Variants in LINC00305 observed in about 807,000 individuals in gnomAD.
LINC00305 encodes long independently transcribed non-coding RNA 305, also known as long intergenic non-protein coding RNA 305.
At chr18:64,136,199 G>C (rs998246883) in intron 1 of LINC00305, among the ~76,000 whole-genome samples, 2 of 152,192 alleles carry the variant, frequency 1.3e-5, no homozygotes, top group African/African-American at 4.8e-5. Flanking sequence ...CTTACTGATT[G>C]TGTGTGTATG....
At chr18:64,130,069 G>A (rs987921682) in intron 1 of LINC00305, among the ~76,000 whole-genome samples, 15 of 151,220 alleles carry the variant, frequency 9.9e-5, no homozygotes, top group Non-Finnish European at 5.9e-5. Flanking sequence ...CCATGTTGGT[G>A]TGCTGCACCC....
At chr18:64,130,351 CT>C (rs2144267465) in intron 1 of LINC00305, among the ~76,000 whole-genome samples, 1 of 152,174 alleles carries the variant, frequency 6.6e-6, no homozygotes, top group East Asian at 1.9e-4. Context: ...AATTAGGTCC[CT>C]TTTTCTTACA....
chr18:64,083,625 G>A lies in LINC00305; in HGVS notation n.541-3223C>T, dbSNP rs188803375. On this transcript the variant is annotated intron_variant and non_coding_transcript_variant, in intron 3 of 3. Transcript: ENST00000666468. ...ACCAAGTGGTGCTGACGTGCACATG[G>A]GAACTCAGAGAAAAGGAGCACGGGC... Among the ~76,000 whole-genome samples the A allele has an allele frequency of 5.9e-5, 9 of 152,238 alleles. 1 individual carries two copies. Among genetic ancestry groups the A allele is most frequent in the African/African-American group, 2.2e-4 (9 of 41,544 alleles).
chr18:64,146,450 G>A (rs971598547), intron 1 of LINC00305, among the ~76,000 whole-genome samples: 1 of 152,142 alleles, frequency 6.6e-6, no homozygotes, highest in African/African-American at 2.4e-5. Flanking sequence ...TAAGTGACCA[G>A]CATTCCTTCT....
chr18:64,100,910 C>A (rs965376960), intron 1 of LINC00305, among the ~76,000 whole-genome samples: 1 of 152,070 alleles, frequency 6.6e-6, no homozygotes, highest in African/African-American at 2.4e-5. Context: ...GTGTTTGTAT[C>A]CTCATTTATT....
intron 1 of LINC00305, among the ~76,000 whole-genome samples, chr18:64,116,239 T>C (rs2051337276): frequency 6.6e-6 from 1 of 152,170 alleles, no homozygotes; most frequent in Non-Finnish European, 1.5e-5. Flanking sequence ...GATGAATCAG[T>C]TTACAACATA....
At chr18:64,093,644 T>TG in intron 3 of LINC00305, among the ~76,000 whole-genome samples, 1 of 152,302 alleles carries the variant, frequency 6.6e-6, no homozygotes, top group South Asian at 2.1e-4. Flanking sequence ...AATCCTACCC[T>TG]GTCAATATGT....
In LINC00305 at chr18:64,137,128, G is replaced by A. The variant is rs140360189; in HGVS notation, n.314+11647C>T. ...GGTGTCTTTCTAAGGGAGAGGATAG[G>A]GGAATCTGGACACACAGACACAACA... On this transcript the variant is annotated intron_variant and non_coding_transcript_variant, in intron 1 of 3. Coordinates refer to ENST00000666468, the Ensembl canonical transcript of LINC00305. Among the ~76,000 whole-genome samples, 136 of 152,260 alleles carry A rather than the reference G, an allele frequency of 8.9e-4. 1 individual carries two copies. The highest frequency in any genetic ancestry group is 3.2e-3 in the African/African-American group (134 of 41,538).
exon 3 of LINC00305, chr18:64,097,841 C>T (rs895890309): frequency 1.7e-5 from 8 of 457,230 alleles, no homozygotes; most frequent in Non-Finnish European, 2.6e-5. Flanking sequence ...TACCTTTATT[C>T]TTCATTGAGA....
chr18:64,091,656 A>T (rs1486632731), intron 3 of LINC00305, among the ~76,000 whole-genome samples: 1 of 152,242 alleles, frequency 6.6e-6, no homozygotes, highest in Non-Finnish European at 1.5e-5. Context: ...AATTTGAATC[A>T]GACCATTGGT....
chr18:64,106,094 C>A (rs1293568433), intron 1 of LINC00305, among the ~76,000 whole-genome samples: 1 of 152,222 alleles, frequency 6.6e-6, no homozygotes, highest in African/African-American at 2.4e-5. Context: ...TCTGCTTCTA[C>A]AAACTGAAGC....
intron 1 of LINC00305, among the ~76,000 whole-genome samples, chr18:64,106,882 C>T (rs534468907): frequency 1.8e-4 from 27 of 152,172 alleles, no homozygotes; most frequent in Non-Finnish European, 1.9e-4. Flanking sequence ...TGTTTATGTA[C>T]TCACAGAAGA....
chr18:64,094,876 T>TAAATAAATAAATAATA (rs1393008735), intron 3 of LINC00305, among the ~76,000 whole-genome samples: 1 of 150,250 alleles, frequency 6.7e-6, no homozygotes, highest in African/African-American at 2.4e-5. Context: ...AATAAATAAA[T>TAAATAAATAAATAATA]AAATAAATAA....
intron 1 of LINC00305, among the ~76,000 whole-genome samples, chr18:64,122,693 T>C (rs1238001827): frequency 2.6e-5 from 4 of 152,118 alleles, no homozygotes; most frequent in Non-Finnish European, 5.9e-5. Context: ...CGTATGAATA[T>C]TATGATTGTT....
At chr18:64,099,928 T>G (rs1478516073) in intron 1 of LINC00305, among the ~76,000 whole-genome samples, 1 of 152,216 alleles carries the variant, frequency 6.6e-6, no homozygotes, top group African/African-American at 2.4e-5. Context: ...AGTTCAAAGT[T>G]GTGCAAAGCT....
chr18:64,143,843 TATACATAC>T (rs143221175), intron 1 of LINC00305, among the ~76,000 whole-genome samples: 40 of 150,306 alleles, frequency 2.7e-4, no homozygotes, highest in Admixed American at 7.9e-4. Context: ...CTTATGTATG[TATACATAC>T]ATACATACAT....
At chr18:64,094,556 A>G (rs2051237426) in intron 3 of LINC00305, among the ~76,000 whole-genome samples, 1 of 152,120 alleles carries the variant, frequency 6.6e-6, no homozygotes, top group Non-Finnish European at 1.5e-5. Context: ...CTAAGCAGTG[A>G]GCCTTCCCTT....
chr18:64,109,794 A>T (rs913957486), intron 1 of LINC00305, among the ~76,000 whole-genome samples: 1 of 152,142 alleles, frequency 6.6e-6, no homozygotes, highest in African/African-American at 2.4e-5. Context: ...GCCGTTGGAC[A>T]TGGAAGAGGA....
chr18:64,141,316 T>G (rs1196544918), intron 1 of LINC00305, among the ~76,000 whole-genome samples: 1 of 152,140 alleles, frequency 6.6e-6, no homozygotes, highest in Non-Finnish European at 1.5e-5. Context: ...AAGAACCAAA[T>G]GATTTCTTAA....
Sources: allele counts gnomAD v4.1 joint callset (sites outside exome capture counted in the v4.1 genomes callset), GRCh38; gene constraint gnomAD v4.1.1; transcripts MANE v1.5; gene names NCBI Gene and HGNC (gene_info 2026-07-23, HGNC 2026-07-21).